RIMS2: variants seen among roughly 807,000 people sequenced by gnomAD.
The protein encoded by RIMS2 is regulating synaptic membrane exocytosis protein 2.
A neutral mutation model predicts 174.4 loss-of-function variants in RIMS2; 59 were observed. The observed-to-expected ratio is 0.34, with a 90% CI of 0.27 to 0.42. The LOEUF (loss-of-function observed/expected upper bound fraction) is 0.42. RIMS2 is among the 10% of genes least tolerant of loss of function. RIMS2 has a pLI of 1.00. For missense variants in RIMS2, 1,620 were observed against 1,666.3 expected (o/e 0.97, Z 0.48); for synonymous variants, 606 against 572.5 (o/e 1.06, Z -0.84).
intron 19 of RIMS2, among the ~76,000 whole-genome samples, chr8:104,193,778 T>G (rs1207361417): frequency 1.3e-5 from 2 of 152,244 alleles, no homozygotes; most frequent in Admixed American, 1.3e-4. Context: ...AGTCAATCTT[T>G]CAGTGTGATC....
chr8:103,535,235 AGAGT>A (rs373173151), intron 1 of RIMS2, among the ~76,000 whole-genome samples: 137 of 152,330 alleles, frequency 9.0e-4, no homozygotes, highest in African/African-American at 3.2e-3. Context: ...TAGCAGAAGT[AGAGT>A]AAGTTTGGAG....
intron 3 of RIMS2, among the ~76,000 whole-genome samples, chr8:103,801,673 A>G (rs1468214104): frequency 6.6e-6 from 1 of 152,180 alleles, no homozygotes; most frequent in Non-Finnish European, 1.5e-5. Context: ...CATCTGAGAT[A>G]TTCAATCATT....
chr8:104,029,781 G>A (rs1240864954), intron 19 of RIMS2, among the ~76,000 whole-genome samples: 1 of 152,110 alleles, frequency 6.6e-6, no homozygotes, highest in African/African-American at 2.4e-5. Flanking sequence ...GGCAAAAGGT[G>A]AAATAGCTTT....
At chr8:103,607,936 T>G (rs2095195681) in intron 1 of RIMS2, among the ~76,000 whole-genome samples, 1 of 142,996 alleles carries the variant, frequency 7.0e-6, no homozygotes, top group South Asian at 2.2e-4. Flanking sequence ...CTTCTTTGCC[T>G]TTGGTCTGAA....
At chr8:103,759,484 G>A (rs751167566) in intron 2 of RIMS2, among the ~76,000 whole-genome samples, 10 of 146,692 alleles carry the variant, frequency 6.8e-5, no homozygotes, top group Non-Finnish European at 8.9e-5. Flanking sequence ...AGAATGGCGT[G>A]AACCTGGGAG....
At chr8:103,588,870 T>G (rs1156719101) in intron 1 of RIMS2, among the ~76,000 whole-genome samples, 1 of 151,622 alleles carries the variant, frequency 6.6e-6, no homozygotes, top group Non-Finnish European at 1.5e-5. Context: ...TTGAGTGATA[T>G]CCCACAAACA....
chr8:103,833,523 T>G (rs952861728), intron 3 of RIMS2, among the ~76,000 whole-genome samples: 2 of 152,104 alleles, frequency 1.3e-5, no homozygotes, highest in African/African-American at 2.4e-5. Flanking sequence ...TATTTCAGAC[T>G]TTTTATAGAT....
chr8:104,079,598 GATATATATATATATATATATATATATAT>G (rs5893676), intron 19 of RIMS2, among the ~76,000 whole-genome samples: 7 of 51,006 alleles, frequency 1.4e-4, no homozygotes, highest in Admixed American at 8.6e-4. Flanking sequence ...GATTAAGCAT[GATATATATATATATATATATATATATAT>G]ATATATATAT....
At chr8:103,620,968 A>T (rs1468829785) in intron 1 of RIMS2, among the ~76,000 whole-genome samples, 1 of 152,218 alleles carries the variant, frequency 6.6e-6, no homozygotes, top group Non-Finnish European at 1.5e-5. Context: ...TAACTTTTGA[A>T]CTATGTGACT....
intron 19 of RIMS2, among the ~76,000 whole-genome samples, chr8:104,034,094 CTG>C (rs1565948793): frequency 6.6e-6 from 1 of 152,118 alleles, no homozygotes. Flanking sequence ...ATCAGAAAAA[CTG>C]TATGGGAATG....
chr8:104,049,802 A>C (rs1403115134), intron 19 of RIMS2, among the ~76,000 whole-genome samples: 1 of 152,262 alleles, frequency 6.6e-6, no homozygotes, highest in Non-Finnish European at 1.5e-5. Flanking sequence ...TTTCTCATTT[A>C]GGATTGAAGA....
intron 1 of RIMS2, among the ~76,000 whole-genome samples, chr8:103,696,885 A>AAACAC (rs1554753422): frequency 7.3e-6 from 1 of 136,872 alleles, no homozygotes; most frequent in Non-Finnish European, 1.6e-5. Context: ...AAAAAAAAAA[A>AAACAC]GAAGGTAGAA....
chr8:103,788,752 G>A (rs1469197210), intron 3 of RIMS2, among the ~76,000 whole-genome samples: 2 of 152,168 alleles, frequency 1.3e-5, no homozygotes, highest in African/African-American at 2.4e-5. Flanking sequence ...CCCAGAGGTG[G>A]AGCCTACAGA....
chr8:103,726,927 C>T (rs1010960278), intron 2 of RIMS2, among the ~76,000 whole-genome samples: 1 of 150,956 alleles, frequency 6.6e-6, no homozygotes, highest in Admixed American at 6.6e-5. Context: ...TTAATAGAGA[C>T]GGGGTTTCAC....
intron 1 of RIMS2, among the ~76,000 whole-genome samples, chr8:103,637,203 G>C (rs913498985): frequency 1.1e-4 from 16 of 152,152 alleles, no homozygotes; most frequent in Non-Finnish European, 2.2e-4. Context: ...CTCCACCATG[G>C]CCACTTTGTT....
At chr8:103,886,372 C>G in intron 4 of RIMS2, 149 bp downstream of exon 7, 2 of 655,434 alleles carry the variant, frequency 3.1e-6, no homozygotes, top group Non-Finnish European at 5.0e-6. Flanking sequence ...AAGAAAATTT[C>G]GTGTTATAAA....
At chr8:103,877,763 T>TG (rs1487711567) in intron 3 of RIMS2, among the ~76,000 whole-genome samples, 1 of 151,658 alleles carries the variant, frequency 6.6e-6, no homozygotes, top group Non-Finnish European at 1.5e-5. Context: ...TTTAATTCTG[T>TG]GAAAAAAAGG....
At chr8:103,908,274 C>A (rs1347118684) in intron 4 of RIMS2, among the ~76,000 whole-genome samples, 2 of 152,254 alleles carry the variant, frequency 1.3e-5, no homozygotes, top group Admixed American at 1.3e-4. Context: ...ATCTCTTGAC[C>A]TCGTGATCCG....
intron 2 of RIMS2, among the ~76,000 whole-genome samples, chr8:103,726,782 G>C (rs941102427): frequency 7.7e-4 from 115 of 149,212 alleles, no homozygotes; most frequent in African/African-American, 2.6e-3. Flanking sequence ...GCTCAGGCTG[G>C]AGTGCAGTGG....
Sources: gnomAD v4.1 joint callset for allele counts (sites outside exome capture counted in the v4.1 genomes callset) on GRCh38, gnomAD v4.1.1 for gene constraint, MANE v1.5 for transcripts, NCBI Gene and HGNC (gene_info 2026-07-23, HGNC 2026-07-21) for gene names.